The following DHRS12 variants were observed in gnomAD, a reference collection of about 807,000 sequenced individuals.
DHRS12 encodes the protein dehydrogenase/reductase SDR family member 12.
Under a neutral mutation model 32.1 loss-of-function variants are expected in DHRS12, and 29 were observed. The ratio of observed to expected loss-of-function variants is 0.90; its 90% CI spans 0.67 to 1.23. The LOEUF (loss-of-function observed/expected upper bound fraction) is 1.23, where lower values mean the gene tolerates loss of function less well. Ranked by LOEUF, DHRS12 falls within the 50% of genes most tolerant of loss-of-function variation. The probability of loss-of-function intolerance (pLI) is 0.00; values close to 1 mark genes in which losing one functional copy is unlikely to be tolerated. For synonymous variants in DHRS12, 150 were observed against 135.9 expected, an observed-to-expected ratio of 1.10 and a Z score of -0.72; for missense variants, 330 against 337.2, an observed-to-expected ratio of 0.98 and a Z score of 0.17.
intron 7 of DHRS12, chr13:51,771,259 G>A: frequency 3.9e-6 from 6 of 1,552,414 alleles, no homozygotes; most frequent in Middle Eastern, 1.7e-4. Context: ...TGTTTGTAGA[G>A]GAGGAAAGAG....
intron 1 of DHRS12, among the ~76,000 whole-genome samples, chr13:51,800,865 A>G (rs1955721944): frequency 6.6e-6 from 1 of 152,240 alleles, no homozygotes; most frequent in African/African-American, 2.4e-5. Context: ...CAGAACATGC[A>G]GGGCAGCTTA....
chr13:51,769,148 G>A lies in DHRS12; in HGVS notation c.697+8C>T, dbSNP rs1354812654. The A allele has an allele frequency of 5.7e-5, 89 of 1,548,824 alleles. No homozygotes were observed. The highest frequency in any genetic ancestry group is 7.7e-5 in the Non-Finnish European group (88 of 1,146,988). The stretch of plus-strand genomic sequence containing the variant: ...GTCAGCTGCCTTCACAGCCAGGGAG[G>A]AAGTCACCTTGAAAGAAGCGGCCGC... On this transcript the variant is annotated splice_region_variant and intron_variant, in intron 8 of 8. Transcript: ENST00000444610.
intron 4 of DHRS12, 194 bp from the exon 5 acceptor site, chr13:51,777,315 C>A (rs1339746435): frequency 1.7e-5 from 10 of 606,044 alleles, no homozygotes; most frequent in South Asian, 5.9e-5. Context: ...AAGAAAGATG[C>A]CTTAGAGCCT....
intron 4 of DHRS12, among the ~76,000 whole-genome samples, chr13:51,783,131 A>G (rs998871530): frequency 2.6e-5 from 4 of 152,196 alleles, no homozygotes; most frequent in Admixed American, 1.3e-4. Context: ...AATCAATGGG[A>G]AAAATGATCT....
chr13:51,776,828 G>A (rs1281977121), intron 5 of DHRS12, among the ~76,000 whole-genome samples: 2 of 152,012 alleles, frequency 1.3e-5, no homozygotes, highest in South Asian at 4.1e-4. Flanking sequence ...CGACACCCAC[G>A]TGACAGCCGG....
At chr13:51,759,857 G>T in the DHRS12 span, 1 of 1,414,908 alleles carries the variant, frequency 7.1e-7, no homozygotes, top group Non-Finnish European at 9.9e-7. Context: ...AAGCAGACAT[G>T]TGAGAAGTAA....
chr13:51,793,057 G>C (rs2735), intron 2 of DHRS12, among the ~76,000 whole-genome samples: 4,580 of 152,062 alleles, frequency 0.03, 110 homozygotes, highest in Admixed American at 0.061. Context: ...TTGTATCATG[G>C]TTATCACTGG....
chr13:51,780,628 T>C (rs1358902903), intron 4 of DHRS12, among the ~76,000 whole-genome samples: 4 of 152,206 alleles, frequency 2.6e-5, no homozygotes, highest in Non-Finnish European at 4.4e-5. Context: ...GTCTTCTAAA[T>C]ATGGCAACAA....
the DHRS12 span, among the ~76,000 whole-genome samples, chr13:51,758,524 C>G: frequency 6.7e-6 from 1 of 149,206 alleles, no homozygotes. Context: ...GCACTCTAGC[C>G]TGAGCAACAA....
intron 7 of DHRS12, chr13:51,771,017 T>C: frequency 7.0e-7 from 1 of 1,418,772 alleles, no homozygotes; most frequent in Non-Finnish European, 9.2e-7. Flanking sequence ...ATGCCAGCAG[T>C]GTGTGAGAGC....
At chr13:51,786,484 C>G (rs1954962301) in intron 4 of DHRS12, among the ~76,000 whole-genome samples, 1 of 152,170 alleles carries the variant, frequency 6.6e-6, no homozygotes, top group African/African-American at 2.4e-5. Flanking sequence ...AGAACAGCCA[C>G]CCAACAGAAG....
intron 7 of DHRS12, chr13:51,771,610 C>T: frequency 6.7e-7 from 1 of 1,500,790 alleles, no homozygotes; most frequent in Non-Finnish European, 9.0e-7. Flanking sequence ...CCCTGACTTG[C>T]ACAGGGCAAG....
chr13:51,782,724 AT>A lies in DHRS12; in HGVS notation c.302-5604del, dbSNP rs1954774624. On this transcript the variant is annotated intron_variant, in intron 4 of 8. Transcript: ENST00000444610. This position sits in a 1 kb window ranked among gnomAD's most constrained non-coding sequence, Gnocchi z 4.2. ...GGTCCTGTGTGCTTCACTGAGATGT[AT>A]GAAAGAACCTGCTGTACTGCAGGGA... 6.6e-6 allele frequency among the ~76,000 whole-genome samples: 1 copy of A among 152,162 alleles called. No homozygotes were observed. Among genetic ancestry groups the A allele is most frequent in the Non-Finnish European group, 1.5e-5 (1 of 68,008 alleles).
At chr13:51,762,521 T>C in the DHRS12 span, 2 of 152,244 alleles carry the variant, frequency 1.3e-5, no homozygotes, top group Admixed American at 1.3e-4. Context: ...CAACTGTGTG[T>C]TTGTAATACT....
intron 4 of DHRS12, among the ~76,000 whole-genome samples, chr13:51,778,734 A>C (rs1375273757): frequency 6.6e-6 from 1 of 151,850 alleles, no homozygotes; most frequent in Admixed American, 6.6e-5. Flanking sequence ...GGAGGTGCTC[A>C]GCTCTCATTC....
chr13:51,768,654 G>T (rs1393957176), intron 8 of DHRS12: 1 of 1,137,618 alleles, frequency 8.8e-7, no homozygotes, highest in Non-Finnish European at 1.1e-6. Flanking sequence ...GCCAAGCAAA[G>T]AGCCTGGCTT....
intron 7 of DHRS12, chr13:51,771,302 A>G (rs1371721399): frequency 6.4e-7 from 1 of 1,569,432 alleles, no homozygotes; most frequent in East Asian, 2.3e-5. Flanking sequence ...GCCTGAGGTC[A>G]TGGAGTTGGT....
At chr13:51,779,048 C>T (rs1036477689) in intron 4 of DHRS12, among the ~76,000 whole-genome samples, 2 of 152,018 alleles carry the variant, frequency 1.3e-5, no homozygotes, top group Non-Finnish European at 2.9e-5. Flanking sequence ...AAACAGATGG[C>T]GCATCTCCCT....
In DHRS12 at chr13:51,789,769, G is replaced by A. The variant is rs140816870; in HGVS notation, c.301+242C>T. ...AAACAATGTCTATAAACAGCCTAGC[G>A]CTTCCTAGGAAAAAAAACACTTCAA... On this transcript the variant is annotated intron_variant, in intron 4 of 8. Coordinates refer to ENST00000444610, the MANE Select transcript of DHRS12 (RefSeq NM_001377533.1). The A allele has an allele frequency of 1.0e-3, 1,010 of 985,306 alleles. 3 individuals carry two copies. The African/African-American group carries it at 0.011, about 11-fold the overall frequency. The allele number at this position is 985,306 out of a possible 1,614,324, so 61.0% of individuals were successfully genotyped here. A position where few individuals can be genotyped will look rare whatever the true frequency, so the allele number is the denominator to read the frequency against.
Sources: gnomAD v4.1 joint callset for allele counts (sites outside exome capture counted in the v4.1 genomes callset) on GRCh38, gnomAD v4.1.1 for gene constraint, Gnocchi (gnomAD v3.1) non-coding constraint, MANE v1.5 for transcripts, NCBI Gene and HGNC (gene_info 2026-07-23, HGNC 2026-07-21) for gene names.